The following EML2 variants were observed in gnomAD, a reference collection of about 807,000 sequenced individuals.
The protein encoded by EML2 is echinoderm microtubule-associated protein-like 2.
In EML2, 59 loss-of-function variants were observed where a neutral mutation model predicts 84.7. The observed-to-expected ratio is 0.70, with a 90% CI of 0.56 to 0.86. The LOEUF is 0.86. Ranked by LOEUF, EML2 falls within the 40% of genes least tolerant of loss-of-function variation. The probability of loss-of-function intolerance (pLI) is 0.00; values close to 1 mark genes in which losing one functional copy is unlikely to be tolerated. For synonymous variants in EML2, 352 were observed against 348.9 expected (o/e 1.01, Z -0.10); for missense variants, 818 against 855.6 (o/e 0.96, Z 0.55).
At chr19:45,630,085 G>T in intron 6 of EML2, 39 bp from the exon 7 acceptor site, 1 of 1,508,206 alleles carries the variant, frequency 6.6e-7, no homozygotes. Flanking sequence ...GAGGCAAGGG[G>T]AGTCAGGGCC....
chr19:45,639,321 AGAG>A (rs1369960435), intron 1 of EML2, 33 bp downstream of exon 1: 1 of 1,349,372 alleles, frequency 7.4e-7, no homozygotes, highest in Admixed American at 3.7e-5. Flanking sequence ...GGGAGCGCGG[AGAG>A]GAGATGGGGG....
chr19:45,644,690 T>G, upstream of EML2: 1 of 455,946 alleles, frequency 2.2e-6, no homozygotes, highest in Non-Finnish European at 4.4e-6. Context: ...AACTCCCCTC[T>G]TCTCCTATCT....
At chr19:45,615,762 A>G in intron 16 of EML2, 40 bp downstream of exon 16, 4 of 1,532,654 alleles carry the variant, frequency 2.6e-6, no homozygotes, top group Non-Finnish European at 3.6e-6. Context: ...TCTGCAAATG[A>G]GACGGAGGAA....
At chr19:45,645,409 C>T, upstream of EML2, 3 of 1,480,010 alleles carry the variant, frequency 2.0e-6, no homozygotes, top group South Asian at 3.9e-5. Context: ...CAGGCCCTGC[C>T]TCCCGTTGCC....
At chr19:45,611,532 C>T (rs1277100900) in intron 18 of EML2, among the ~76,000 whole-genome samples, 1 of 151,972 alleles carries the variant, frequency 6.6e-6, no homozygotes, top group Non-Finnish European at 1.5e-5. Flanking sequence ...TTTGCCCAGG[C>T]TGGAGTGCAG....
intron 8 of EML2, 147 bp downstream of exon 8, chr19:45,626,558 G>A: frequency 1.1e-6 from 1 of 907,618 alleles, no homozygotes. Context: ...ATGGTATGGA[G>A]AAAGAAACTG....
chr19:45,641,501 C>T, upstream of EML2: 1 of 826,516 alleles, frequency 1.2e-6, no homozygotes, highest in Non-Finnish European at 1.9e-6. Flanking sequence ...ATTGGTCCCT[C>T]CAAGGCTCTG....
At chr19:45,624,634 A>G (rs1371367788) in intron 9 of EML2, 85 bp downstream of exon 9, 1 of 983,366 alleles carries the variant, frequency 1.0e-6, no homozygotes, top group Non-Finnish European at 1.6e-6. Context: ...CTCATTTCAC[A>G]CAAGCAGAAT....
Position 45,609,561 on chromosome 19 carries a change from CTCTGCTATAG to C in EML2, c.*92_*101del. 1 of 1,289,038 alleles carries C rather than the reference CTCTGCTATAG, an allele frequency of 7.8e-7. No homozygotes were observed. The highest frequency in any genetic ancestry group is 1.0e-6 in the Non-Finnish European group (1 of 990,538). The allele number at this position is 1,289,038 out of a possible 1,614,324, so 79.9% of individuals were successfully genotyped here. A position where few individuals can be genotyped will look rare whatever the true frequency, so the allele number is the denominator to read the frequency against. On this transcript the variant is annotated 3_prime_UTR_variant, in exon 19 of 19. Transcript: ENST00000245925. Reference sequence around the variant, plus strand: ...TCTACCCTCCCGCCCCCATAACCCCCTCTGCTATAGACATACTCTGGGTATATATTACTCT... The same window carrying C: ...TCTACCCTCCCGCCCCCATAACCCCCACATACTCTGGGTATATATTACTCT...
intron 18 of EML2, among the ~76,000 whole-genome samples, chr19:45,612,205 C>T (rs1001274255): frequency 3.9e-4 from 60 of 152,264 alleles, no homozygotes; most frequent in African/African-American, 1.3e-3. Context: ...GCTGGGATTA[C>T]AGGCGCCTGC....
chr19:45,616,094 G>C, intron 15 of EML2: 2 of 590,856 alleles, frequency 3.4e-6, no homozygotes, highest in Non-Finnish European at 6.1e-6. Flanking sequence ...GGCAGGGCTA[G>C]ACAAAAAGCA....
chr19:45,643,357 A>G (rs937830161), upstream of EML2, among the ~76,000 whole-genome samples: 1 of 152,154 alleles, frequency 6.6e-6, no homozygotes, highest in East Asian at 1.9e-4. Context: ...GGAGATGCAG[A>G]CCGGATTGAC....
upstream of EML2, chr19:45,642,125 C>G (rs903859967): frequency 1.2e-4 from 185 of 1,491,192 alleles, no homozygotes; most frequent in Non-Finnish European, 1.6e-4. Context: ...TCCAGTCTAA[C>G]GGGGATACCC....
In EML2 at chr19:45,638,714, A is replaced by T. The variant is rs1028904066; in HGVS notation, c.50-80T>A. The T allele has an allele frequency of 3.3e-5, 53 of 1,583,542 alleles. No homozygotes were observed. The East Asian group carries it at 1.1e-3, about 34-fold the overall frequency. ...TCTCCTCTTCCAGCTTTATTTATTT[A>T]TTTTTTTAAAGGCAGGGAAACTGAG... On this transcript the variant is annotated intron_variant, in intron 2 of 18. Coordinates refer to ENST00000245925, the MANE Select transcript of EML2 (RefSeq NM_012155.4).
intron 12 of EML2, among the ~76,000 whole-genome samples, chr19:45,618,215 C>G (rs1035843895): frequency 2.0e-5 from 3 of 151,380 alleles, no homozygotes; most frequent in Non-Finnish European, 4.4e-5. Flanking sequence ...AGGCGCCCAC[C>G]ACCACGCCCG....
chr19:45,611,465 T>C (rs1204368978), intron 18 of EML2, among the ~76,000 whole-genome samples: 1 of 144,408 alleles, frequency 6.9e-6, no homozygotes, highest in Non-Finnish European at 1.5e-5. Context: ...CAGAGGCTTG[T>C]GGATATGTAA....
intron 12 of EML2, 39 bp downstream of exon 12, chr19:45,619,021 C>T (rs765215042): frequency 1.3e-6 from 2 of 1,556,054 alleles, no homozygotes; most frequent in South Asian, 2.3e-5. Flanking sequence ...AAAGGTAGTT[C>T]TGTTAGAATG....
chr19:45,639,267 G>A, intron 1 of EML2, 90 bp downstream of exon 1: 3 of 1,250,346 alleles, frequency 2.4e-6, no homozygotes, highest in Non-Finnish European at 3.2e-6. Context: ...TCCCCACGCC[G>A]GTCTGGGTCC....
chr19:45,642,794 C>A (rs2122851068), upstream of EML2: 1 of 152,394 alleles, frequency 6.6e-6, no homozygotes, highest in African/African-American at 2.4e-5. Flanking sequence ...AACCCCGTCT[C>A]TACTAAAATA....
Sources: gnomAD v4.1 joint callset for allele counts (sites outside exome capture counted in the v4.1 genomes callset) on GRCh38, gnomAD v4.1.1 for gene constraint, MANE v1.5 for transcripts, NCBI Gene and HGNC (gene_info 2026-07-23, HGNC 2026-07-21) for gene names.